The following RFC3 variants were observed in gnomAD, a reference collection of about 807,000 sequenced individuals.
RFC3 encodes replication factor C subunit 3.
In RFC3, 41 loss-of-function variants were observed where a neutral mutation model predicts 45.1. The observed-to-expected ratio is 0.91, with a 90% CI of 0.71 to 1.18. The LOEUF is 1.18. Ranked by LOEUF, RFC3 falls within the 50% of genes most tolerant of loss-of-function variation. The pLI, the probability that RFC3 is intolerant of heterozygous loss-of-function variation, is 0.00. For missense variants in RFC3, 423 were observed against 428.1 expected (o/e 0.99, Z 0.10); for synonymous variants, 149 against 144.0 (o/e 1.03, Z -0.25).
chr13:33,908,228 A>C (rs937089855), intron 8 of RFC3, among the ~76,000 whole-genome samples: 3 of 151,962 alleles, frequency 2.0e-5, no homozygotes, highest in African/African-American at 7.2e-5. Flanking sequence ...TAAAAGGATA[A>C]TGTCTTCTGA....
At chr13:33,871,339 G>T (rs1408369948) in intron 8 of RFC3, among the ~76,000 whole-genome samples, 1 of 152,200 alleles carries the variant, frequency 6.6e-6, no homozygotes, top group East Asian at 1.9e-4. Flanking sequence ...GCTCCCAGAA[G>T]CTCCAGGGAA....
At chr13:33,843,471 C>G in intron 8 of RFC3, among the ~76,000 whole-genome samples, 1 of 152,298 alleles carries the variant, frequency 6.6e-6, no homozygotes, top group African/African-American at 2.4e-5. Context: ...ACTGAAGTTA[C>G]CTTCTCTTTA....
At chr13:33,822,963 A>C (rs113830271) in intron 2 of RFC3, among the ~76,000 whole-genome samples, 48 of 152,310 alleles carry the variant, frequency 3.2e-4, no homozygotes, top group African/African-American at 1.1e-3. Context: ...ACAAATTGGC[A>C]ACAGAAAGAC....
In RFC3 at chr13:33,954,465, G is replaced by A. The variant is rs2083008967; in HGVS notation, c.880-11622G>A. ...CCTACTATGATTTGAGGTTAATCAG[G>A]CCATTATGTGCAAAATTTGAGGATA... On this transcript the variant is annotated intron_variant, in intron 8 of 8. Transcript: ENST00000434425. Among the ~76,000 whole-genome samples the A allele has an allele frequency of 2.0e-5, 3 of 152,170 alleles. 1 individual carries two copies. The South Asian group carries it at 6.2e-4, about 32-fold the overall frequency.
At chr13:33,859,419 A>G (rs1287400066) in intron 8 of RFC3, among the ~76,000 whole-genome samples, 1 of 152,254 alleles carries the variant, frequency 6.6e-6, no homozygotes, top group Non-Finnish European at 1.5e-5. Flanking sequence ...TAAAAAGTAT[A>G]AAGTCATTAA....
intron 8 of RFC3, among the ~76,000 whole-genome samples, chr13:33,864,450 G>C (rs1027605051): frequency 6.6e-6 from 1 of 152,176 alleles, no homozygotes; most frequent in Non-Finnish European, 1.5e-5. Context: ...TCAGTTCTTG[G>C]ATTTTTTAGT....
intron 8 of RFC3, among the ~76,000 whole-genome samples, chr13:33,909,537 C>G (rs1300949807): frequency 6.6e-6 from 1 of 151,890 alleles, no homozygotes; most frequent in African/African-American, 2.4e-5. Context: ...TCCTGTTACC[C>G]CTCTCTCTCT....
At chr13:33,866,136 C>A (rs953943716) in intron 8 of RFC3, among the ~76,000 whole-genome samples, 3 of 152,168 alleles carry the variant, frequency 2.0e-5, no homozygotes, top group African/African-American at 7.2e-5. Flanking sequence ...GTTGGCTAAT[C>A]AAGTGTGGTT....
At chr13:33,929,242 A>G (rs916383776) in intron 8 of RFC3, among the ~76,000 whole-genome samples, 2 of 152,138 alleles carry the variant, frequency 1.3e-5, no homozygotes, top group African/African-American at 2.4e-5. Flanking sequence ...CATTGCTATC[A>G]TGGCTCACAG....
At chr13:33,835,282 T>G (rs2082143357) in intron 8 of RFC3, 65 bp downstream of exon 8, 2 of 980,304 alleles carry the variant, frequency 2.0e-6, no homozygotes, top group Non-Finnish European at 3.3e-6. Flanking sequence ...TGTGTGATCA[T>G]AGGGCTTTTT....
At chr13:33,873,625 A>G (rs2082426933) in intron 8 of RFC3, among the ~76,000 whole-genome samples, 1 of 152,216 alleles carries the variant, frequency 6.6e-6, no homozygotes, top group African/African-American at 2.4e-5. Context: ...CAGGCACTCT[A>G]GATTCTGGTG....
At chr13:33,834,298 G>GTGTGTGTATATATATATATATATATA (rs1302839326) in intron 7 of RFC3, among the ~76,000 whole-genome samples, 5 of 109,204 alleles carry the variant, frequency 4.6e-5, no homozygotes, top group African/African-American at 1.7e-4. Flanking sequence ...TGTACTGTGT[G>GTGTGTGTATATATATATATATATATA]TATATATATA....
chr13:33,898,901 C>A (rs924660127), intron 8 of RFC3, among the ~76,000 whole-genome samples: 1 of 151,364 alleles, frequency 6.6e-6, no homozygotes, highest in African/African-American at 2.4e-5. Flanking sequence ...TTGGAAAAGC[C>A]GGAAGAAATA....
the RFC3 span, among the ~76,000 whole-genome samples, chr13:33,973,606 CCTTCTCCTCCTT>C: frequency 6.6e-6 from 1 of 151,578 alleles, no homozygotes; most frequent in African/African-American, 2.4e-5. Context: ...TTCTCCTTCT[CCTTCTCCTCCTT>C]CTCCTTCTCC....
At chr13:33,878,563 G>A (rs771546055) in intron 8 of RFC3, among the ~76,000 whole-genome samples, 1 of 152,078 alleles carries the variant, frequency 6.6e-6, no homozygotes, top group South Asian at 2.1e-4. Flanking sequence ...AAAGGAATTC[G>A]AATAGTTCAG....
At chr13:33,939,959 A>G (rs1435733019) in intron 8 of RFC3, among the ~76,000 whole-genome samples, 1 of 151,928 alleles carries the variant, frequency 6.6e-6, no homozygotes, top group Non-Finnish European at 1.5e-5. Context: ...TGTTCACTCT[A>G]TTTTTTTCTG....
chr13:33,879,001 C>T (rs1050131154), intron 8 of RFC3, among the ~76,000 whole-genome samples: 9 of 152,066 alleles, frequency 5.9e-5, no homozygotes, highest in African/African-American at 9.7e-5. Flanking sequence ...TAGCACTTAT[C>T]GTTATCATAA....
chr13:33,945,973 T>A (rs755916957), intron 8 of RFC3, among the ~76,000 whole-genome samples: 1 of 152,206 alleles, frequency 6.6e-6, no homozygotes, highest in Non-Finnish European at 1.5e-5. Flanking sequence ...TGCTTTCTGA[T>A]CTTACTGCCA....
intron 8 of RFC3, among the ~76,000 whole-genome samples, chr13:33,876,179 T>C (rs1028703415): frequency 6.6e-6 from 1 of 152,182 alleles, no homozygotes; most frequent in Non-Finnish European, 1.5e-5. Flanking sequence ...TTTTGATCAA[T>C]AGTTACCCAA....
Sources: gnomAD v4.1 joint callset for allele counts (sites outside exome capture counted in the v4.1 genomes callset) on GRCh38, gnomAD v4.1.1 for gene constraint, MANE v1.5 for transcripts, NCBI Gene and HGNC (gene_info 2026-07-23, HGNC 2026-07-21) for gene names.